EML5: variants seen among roughly 807,000 people sequenced by gnomAD.
EML5 encodes the protein echinoderm microtubule-associated protein-like 5.
EML5 carries 120 observed loss-of-function variants against 250.0 expected under a neutral mutation model. The observed-to-expected ratio is 0.48, with a 90% CI of 0.41 to 0.56. The LOEUF is 0.56. EML5 is among the 20% of genes least tolerant of loss of function. The probability of loss-of-function intolerance (pLI) is 0.00; values close to 1 mark genes in which losing one functional copy is unlikely to be tolerated. For missense variants in EML5, 2,006 were observed against 2,437.6 expected (o/e 0.82, Z 3.73); for synonymous variants, 771 against 806.5 (o/e 0.96, Z 0.75).
At chr14:88,738,550 G>A (rs1380779547) in intron 6 of EML5, among the ~76,000 whole-genome samples, 1 of 152,016 alleles carries the variant, frequency 6.6e-6, no homozygotes, top group Non-Finnish European at 1.5e-5. Flanking sequence ...AGAATAGTTT[G>A]TTAAATAGTT....
chr14:88,778,222 G>A (rs1398074217), intron 1 of EML5, among the ~76,000 whole-genome samples: 7 of 150,960 alleles, frequency 4.6e-5, no homozygotes, highest in Admixed American at 2.6e-4. Flanking sequence ...AACGAAAGAA[G>A]GAAAAAAAAG....
At chr14:88,661,123 C>T (rs1488690796) in intron 25 of EML5, among the ~76,000 whole-genome samples, 1 of 152,158 alleles carries the variant, frequency 6.6e-6, no homozygotes, top group Non-Finnish European at 1.5e-5. Flanking sequence ...GGGTTTTGCG[C>T]TGTCACCCAG....
At chr14:88,674,724 A>G (rs890755718) in intron 21 of EML5, among the ~76,000 whole-genome samples, 4 of 152,136 alleles carry the variant, frequency 2.6e-5, no homozygotes, top group Admixed American at 2.0e-4. Flanking sequence ...CATTAACTCA[A>G]AAGTCCACAG....
In EML5 at chr14:88,626,997, T is replaced by G. The variant is rs2090018844; in HGVS notation, c.4581A>C (p.Ala1527=). Residue 1527 remains alanine (A), a synonymous_variant, in exon 35 of 44, where the codon GCA becomes GCC. Coordinates refer to ENST00000554922, the MANE Select transcript of EML5 (RefSeq NM_183387.3). ...RAGHNQRIFV[A]EFRPDSDTQF... Reference sequence around the variant, plus strand: ...GGGTATCTGAATCTGGTCGGAATTCTGCCACAAAAATACGTTGATTGTGAC... The same window carrying G: ...GGGTATCTGAATCTGGTCGGAATTCGGCCACAAAAATACGTTGATTGTGAC... 1.9e-6 allele frequency: 3 copies of G among 1,613,868 alleles called. No homozygotes were observed. The highest frequency in any genetic ancestry group is 1.3e-5 in the African/African-American group (1 of 74,924).
At chr14:88,760,613 G>C (rs2094226261) in intron 1 of EML5, among the ~76,000 whole-genome samples, 1 of 151,978 alleles carries the variant, frequency 6.6e-6, no homozygotes, top group Admixed American at 6.6e-5. Context: ...CTCTACCTTT[G>C]TTCTTTTTCC....
At chr14:88,723,186 G>A (rs573617804) in intron 8 of EML5, among the ~76,000 whole-genome samples, 264 of 152,306 alleles carry the variant, frequency 1.7e-3, no homozygotes, top group Admixed American at 4.0e-3. Flanking sequence ...GCTGAGGCAG[G>A]AGGATTGCTT....
At chr14:88,666,539 T>C (rs1419098450) in intron 21 of EML5, among the ~76,000 whole-genome samples, 1 of 152,168 alleles carries the variant, frequency 6.6e-6, no homozygotes, top group Non-Finnish European at 1.5e-5. Context: ...GAAACTAAAA[T>C]ATTTTTAAAA....
chr14:88,667,149 A>G (rs1221298489), intron 21 of EML5, among the ~76,000 whole-genome samples: 1 of 152,220 alleles, frequency 6.6e-6, no homozygotes, highest in Non-Finnish European at 1.5e-5. Context: ...AAATTAAGTT[A>G]AAGATGCCTA....
At chr14:88,765,743 C>T (rs868138664) in intron 1 of EML5, among the ~76,000 whole-genome samples, 2 of 151,996 alleles carry the variant, frequency 1.3e-5, no homozygotes, top group African/African-American at 4.8e-5. Flanking sequence ...AAATTGAGTC[C>T]CCTGGAGAAT....
Position 88,627,743 on chromosome 14 carries a change from C to G in EML5, c.4434G>C (p.Lys1478Asn). ...TLSILRCYHSKGVCSVSFSAT... is the reference protein window; with the variant it reads ...TLSILRCYHSNGVCSVSFSAT... Reference sequence around the variant, plus strand: ...CACTGAAGCTGACTGAACATACTCCCTTTGAATGGTAGCATCTTAGGATAG... The same window carrying G: ...CACTGAAGCTGACTGAACATACTCCGTTTGAATGGTAGCATCTTAGGATAG... The change falls in exon 34 of 44, where the codon AAG (lysine) becomes AAC (asparagine). Residue 1478 changes from lysine to asparagine, a missense_variant. Physicochemically the swap from Lys to Asn is moderately conservative, Grantham distance 94. Around this residue, in one of 7 missense-constraint regions of EML5, gnomAD observed 1,375 missense variants for 1,590.3 expected, o/e 0.86. Coordinates refer to ENST00000554922, the MANE Select transcript of EML5 (RefSeq NM_183387.3). 1.2e-6 allele frequency: 2 copies of G among 1,612,934 alleles called. No individual in the cohort carries two copies. The highest frequency in any genetic ancestry group is 1.7e-6 in the Non-Finnish European group (2 of 1,179,454).
chr14:88,696,588 C>T (rs921837699), intron 15 of EML5, among the ~76,000 whole-genome samples: 1 of 151,972 alleles, frequency 6.6e-6, no homozygotes, highest in African/African-American at 2.4e-5. Context: ...TAGGTTGTTA[C>T]GTAGATAAAC....
At chr14:88,697,542 C>T (rs986776053) in intron 14 of EML5, among the ~76,000 whole-genome samples, 6 of 152,160 alleles carry the variant, frequency 3.9e-5, no homozygotes, top group African/African-American at 1.4e-4. Context: ...CACTCTGTCA[C>T]TTATTTTTTA....
chr14:88,758,913 C>T (rs1011076456), intron 1 of EML5, among the ~76,000 whole-genome samples: 2 of 152,102 alleles, frequency 1.3e-5, no homozygotes, highest in Admixed American at 6.5e-5. Context: ...ATATAAGGGC[C>T]ACATATCATA....
At chr14:88,698,278 T>A (rs1317137400) in intron 14 of EML5, among the ~76,000 whole-genome samples, 1 of 150,034 alleles carries the variant, frequency 6.7e-6, no homozygotes, top group Non-Finnish European at 1.5e-5. Flanking sequence ...TTTTTTTTTT[T>A]TTTTTGAGAC....
intron 21 of EML5, among the ~76,000 whole-genome samples, chr14:88,674,942 T>C (rs552179638): frequency 6.6e-6 from 1 of 152,312 alleles, no homozygotes; most frequent in African/African-American, 2.4e-5. Context: ...AAAGTTCCAG[T>C]GATCTCCTTT....
intron 21 of EML5, among the ~76,000 whole-genome samples, chr14:88,674,138 G>C (rs551180249): frequency 6.6e-6 from 1 of 152,052 alleles, no homozygotes; most frequent in Non-Finnish European, 1.5e-5. Flanking sequence ...GCATGGTAGC[G>C]CATGTCTGTA....
intron 10 of EML5, among the ~76,000 whole-genome samples, chr14:88,708,427 G>GTCTTGTTTAATATATA (rs1483822786): frequency 6.6e-6 from 1 of 152,090 alleles, no homozygotes; most frequent in Non-Finnish European, 1.5e-5. Flanking sequence ...CAGCAGTGGT[G>GTCTTGTTTAATATATA]TCTTGTTTAA....
Position 88,687,344 on chromosome 14 carries a change from G to A in EML5, c.2743-17C>T, listed in dbSNP as rs1298711996. The A allele has an allele frequency of 6.5e-7, 1 of 1,531,224 alleles. No homozygotes were observed. 94.9% of individuals were successfully genotyped at this position (1,531,224 alleles called of 1,614,324 possible). ...TACAAACCCCTATGGAAAAAAAAAG[G>A]TTCAAGTTAATAAAGATCTAAATAT... On this transcript the variant is annotated splice_polypyrimidine_tract_variant and intron_variant, in intron 18 of 43. Transcript: ENST00000554922.
At chr14:88,781,647 C>G (rs560236921) in intron 1 of EML5, among the ~76,000 whole-genome samples, 1 of 152,234 alleles carries the variant, frequency 6.6e-6, no homozygotes, top group South Asian at 2.1e-4. Context: ...ATCATGGTGA[C>G]GATTACTCTC....
Sources: allele counts gnomAD v4.1 joint callset (sites outside exome capture counted in the v4.1 genomes callset), GRCh38; gene constraint gnomAD v4.1.1; regional missense constraint gnomAD v4.1.1; transcripts MANE v1.5; gene names NCBI Gene and HGNC (gene_info 2026-07-23, HGNC 2026-07-21).